SLC17A4: variants seen among roughly 807,000 people sequenced by gnomAD.
The protein encoded by SLC17A4 is probable small intestine urate exporter.
Under a neutral mutation model 52.5 loss-of-function variants are expected in SLC17A4, and 33 were observed. That is an observed-to-expected ratio of 0.63 (90% CI 0.48 to 0.84). The LOEUF is 0.84. Among genes scored for constraint, SLC17A4 ranks in the 40% least tolerant of loss-of-function variants. The pLI is 0.00. For missense variants in SLC17A4, 585 were observed against 597.1 expected, an observed-to-expected ratio of 0.98 and a Z score of 0.21; for synonymous variants, 225 against 216.2, an observed-to-expected ratio of 1.04 and a Z score of -0.36.
In SLC17A4 at chr6:25,770,950, T is replaced by G. The variant is rs753487070; in HGVS notation, c.644T>G (p.Val215Gly). The change falls in exon 6 of 12, where the codon GTT becomes GGT. Residue 215 changes from valine to glycine, a missense_variant. Transcript: ENST00000377905. ...GGGTCAATGCTGGGGTCCTTCATTGTTCTACTTGCTGGTGGTCTCCTCTGC... is the reference window on the plus strand; with the variant it reads ...GGGTCAATGCTGGGGTCCTTCATTGGTCTACTTGCTGGTGGTCTCCTCTGC... ...GSGSMLGSFI[V>G]LLAGGLLCQT... is the part of the protein sequence containing the mutation. 1.2e-6 allele frequency: 2 copies of G among 1,613,934 alleles called. No homozygotes were observed. The highest frequency in any genetic ancestry group is 2.2e-5 in the South Asian group (2 of 91,084).
At chr6:25,757,223 C>T (rs1761096876) in intron 1 of SLC17A4, among the ~76,000 whole-genome samples, 1 of 152,140 alleles carries the variant, frequency 6.6e-6, no homozygotes. Flanking sequence ...CATAACATTT[C>T]CACTTATCTT....
chr6:25,755,314 A>G (rs1199687896), intron 1 of SLC17A4, among the ~76,000 whole-genome samples: 2 of 152,174 alleles, frequency 1.3e-5, no homozygotes, highest in Non-Finnish European at 2.9e-5. Flanking sequence ...ATGAAATCTA[A>G]TATGGCTTTG....
Position 25,770,195 on chromosome 6 carries a change from T to A in SLC17A4, c.426T>A (p.Gly142=). The part of the protein sequence containing the change: ...AGIFGAKYVV[G]AGLFISSFLT... ...TATTTGGAGCCAAGTATGTGGTTGGTGCTGGCTTGTTTATTTCCTCATTCC... is the reference window on the plus strand; with the variant it reads ...TATTTGGAGCCAAGTATGTGGTTGGAGCTGGCTTGTTTATTTCCTCATTCC... The change falls in exon 4 of 12, where the codon GGT becomes GGA. Residue 142 remains glycine, a synonymous_variant. Coordinates refer to ENST00000377905, the MANE Select transcript of SLC17A4 (RefSeq NM_005495.3). 1 of 1,614,102 alleles carries A rather than the reference T, an allele frequency of 6.2e-7. No individual in the cohort carries two copies. Among genetic ancestry groups the A allele is most frequent in the Non-Finnish European group, 8.5e-7 (1 of 1,179,990 alleles).
At position 25,779,196 on chromosome 6, in the gene SLC17A4, G is replaced by A. The variant is rs542658022; in HGVS notation, c.*8G>A. ...ACATTCACCCACCTCTGAGCAAACC[G>A]AGAGATGTGCTAGATCCTGGTGCTT... is the stretch of plus-strand genomic sequence containing the variant. On this transcript the variant is annotated 3_prime_UTR_variant, in exon 12 of 12. Transcript: ENST00000377905. The A allele has an allele frequency of 8.6e-5, 138 of 1,613,142 alleles. No individual in the cohort carries two copies. In the East Asian group the frequency reaches 1.1e-3, roughly 13 times the overall value.
Position 25,769,091 on chromosome 6 carries a change from C to T in SLC17A4, c.198C>T (p.Asn66=). ...NLSIAIPAMV[N]NTAPPSQPNA... ...GCATTGCCATCCCAGCTATGGTGAA[C>T]AACACAGCCCCACCTAGCCAGCCCA... The change falls in exon 3 of 12, where the codon AAC becomes AAT. Residue 66 remains asparagine (N), a synonymous_variant. Transcript: ENST00000377905. 6.2e-7 allele frequency: 1 copy of T among 1,614,068 alleles called. No individual in the cohort carries two copies. Among genetic ancestry groups the T allele is most frequent in the Non-Finnish European group, 8.5e-7 (1 of 1,179,966 alleles).
At chr6:25,767,644 T>A (rs1173653175) in intron 2 of SLC17A4, among the ~76,000 whole-genome samples, 1 of 152,198 alleles carries the variant, frequency 6.6e-6, no homozygotes, top group Non-Finnish European at 1.5e-5. Context: ...AAAGGACATG[T>A]CACACCAACA....
chr6:25,756,881 A>G (rs1761067186), intron 1 of SLC17A4, among the ~76,000 whole-genome samples: 2 of 152,212 alleles, frequency 1.3e-5, no homozygotes, highest in Non-Finnish European at 2.9e-5. Flanking sequence ...GTGGAAAAAA[A>G]TGTTGCCCTG....
chr6:25,771,518 G>A (rs1307183517), intron 6 of SLC17A4, among the ~76,000 whole-genome samples: 6 of 151,816 alleles, frequency 4.0e-5, no homozygotes, highest in African/African-American at 1.5e-4. Context: ...AGGGTGCAGT[G>A]AGCCAAGATC....
At chr6:25,770,607 C>A in intron 5 of SLC17A4, 136 bp downstream of exon 5, 1 of 781,074 alleles carries the variant, frequency 1.3e-6, no homozygotes, top group Non-Finnish European at 2.2e-6. Context: ...CCCCATACTG[C>A]CTTACTTGAT....
At chr6:25,759,382 T>C (rs911689351) in intron 1 of SLC17A4, among the ~76,000 whole-genome samples, 17 of 152,198 alleles carry the variant, frequency 1.1e-4, no homozygotes, top group African/African-American at 4.1e-4. Flanking sequence ...ACCTGTCTAG[T>C]GCTGTCTGTG....
In SLC17A4 at chr6:25,778,930, G is replaced by T. The variant is rs1212796201; in HGVS notation, c.1360-124G>T. 3 of 1,234,980 alleles carry T rather than the reference G, an allele frequency of 2.4e-6. No individual in the cohort carries two copies. In the South Asian group the frequency reaches 4.2e-5, roughly 17 times the overall value. The allele number at this position is 1,234,980 out of a possible 1,614,324, so 76.5% of individuals were successfully genotyped here. The stretch of plus-strand genomic sequence containing the variant: ...ACTTGAGTATTCTAGGACCAACTGG[G>T]AAGCCCATGGAAGCCAGAGTGGAGG... On this transcript the variant is annotated intron_variant, in intron 11 of 11. Coordinates refer to ENST00000377905, the MANE Select transcript of SLC17A4 (RefSeq NM_005495.3).
intron 1 of SLC17A4, among the ~76,000 whole-genome samples, chr6:25,757,852 A>C (rs867380297): frequency 2.8e-4 from 42 of 152,296 alleles, no homozygotes; most frequent in Admixed American, 5.2e-4. Context: ...ATATGTGTTC[A>C]CTAACTCAGC....
chr6:25,758,457 C>T (rs1020670958), intron 1 of SLC17A4, among the ~76,000 whole-genome samples: 5 of 152,308 alleles, frequency 3.3e-5, no homozygotes, highest in South Asian at 2.1e-4. Flanking sequence ...CCTGCATGGC[C>T]GTTCCTACCC....
chr6:25,768,835 AC>A, intron 2 of SLC17A4, 149 bp from the exon 3 acceptor site: 2 of 729,504 alleles, frequency 2.7e-6, no homozygotes, highest in Non-Finnish European at 4.5e-6. Context: ...TCCCAGGGGA[AC>A]AAAATTCCAC....
intron 11 of SLC17A4, 21 bp downstream of exon 11, chr6:25,778,037 G>A: frequency 4.4e-6 from 7 of 1,593,380 alleles, no homozygotes; most frequent in Non-Finnish European, 6.0e-6. Flanking sequence ...ATGTTCTGAT[G>A]AATATTCATA....
rs376836715 is a variant in SLC17A4, at chr6:25,770,503, C to T, written c.619+32C>T. The T allele has an allele frequency of 1.1e-5, 18 of 1,596,340 alleles. No homozygotes were observed. The African/African-American group carries it at 1.2e-4, about 11-fold the overall frequency. ...GGTACCCTAAACCTCACTTTACATG[C>T]ACTGTCCAGGAGAACTCAGCAAAGT... On this transcript the variant is annotated intron_variant, in intron 5 of 11. Transcript: ENST00000377905.
Position 25,779,292 on chromosome 6 carries a change from C to G in SLC17A4, c.*104C>G. ...CTTGACTGATAAGCCATTAGCTAGA[C>G]CCTGACTATGTAACGCTAAAGATTT... On this transcript the variant is annotated 3_prime_UTR_variant, in exon 12 of 12. Transcript: ENST00000377905. 6.8e-7 allele frequency: 1 copy of G among 1,479,204 alleles called. No homozygotes were observed. Among genetic ancestry groups the G allele is most frequent in the Non-Finnish European group, 9.2e-7 (1 of 1,091,736 alleles). 91.6% of individuals were successfully genotyped at this position (1,479,204 alleles called of 1,614,324 possible). A position where few individuals can be genotyped will look rare whatever the true frequency, so the allele number is the denominator to read the frequency against.
Position 25,777,153 on chromosome 6 carries a change from C to G in SLC17A4, c.1268+194C>G, listed in dbSNP as rs138252252. 2.2e-4 allele frequency: 133 copies of G among 618,398 alleles called. No individual in the cohort carries two copies. In the African/African-American group the frequency reaches 2.2e-3, roughly 10 times the overall value. The allele number at this position is 618,398 out of a possible 1,614,324, so 38.3% of individuals were successfully genotyped here. On this transcript the variant is annotated intron_variant, in intron 10 of 11. Transcript: ENST00000377905. ...GTGGACCATTGTGAACTTAGTTTTT[C>G]TGGGCGTGAACAAGAGGAGTCAGTG...
chr6:25,768,913 CCTT>C, intron 2 of SLC17A4, 69 bp from the exon 3 acceptor site: 2 of 1,362,084 alleles, frequency 1.5e-6, no homozygotes, highest in Non-Finnish European at 2.1e-6. Flanking sequence ...CCAATCTTCT[CCTT>C]CTTCCAGACT....
Sources: gnomAD v4.1 joint callset for allele counts (sites outside exome capture counted in the v4.1 genomes callset) on GRCh38, gnomAD v4.1.1 for gene constraint, MANE v1.5 for transcripts, NCBI Gene and HGNC (gene_info 2026-07-23, HGNC 2026-07-21) for gene names.